Variants in SSTR1 observed in about 807,000 individuals in gnomAD.
The protein encoded by SSTR1 is somatostatin receptor type 1.
SSTR1 carries 10 observed loss-of-function variants against 20.7 expected under a neutral mutation model. The ratio of observed to expected loss-of-function variants is 0.48; its 90% confidence interval spans 0.30 to 0.82. The LOEUF is 0.82. SSTR1 is among the 40% of genes least tolerant of loss of function. The pLI is 0.07. For missense variants in SSTR1, 494 were observed against 540.0 expected, an observed-to-expected ratio of 0.91 and a Z score of 0.84; for synonymous variants, 267 against 227.8, an observed-to-expected ratio of 1.17 and a Z score of -1.55.
At position 38,212,531 on chromosome 14, in the gene SSTR1, A is replaced by G. The variant is rs1313048143; in HGVS notation, c.*1966A>G. 1.2e-5 allele frequency: 2 copies of G among 167,084 alleles called. No individual in the cohort carries two copies. Among genetic ancestry groups the G allele is most frequent in the African/African-American group, 2.4e-5 (1 of 41,454 alleles). 10.4% of individuals were successfully genotyped at this position (167,084 alleles called of 1,614,324 possible). On this transcript the variant is annotated 3_prime_UTR_variant, in exon 3 of 3. Coordinates refer to ENST00000267377, the MANE Select transcript of SSTR1 (RefSeq NM_001049.3). ...GTGTCTGTGTTTAATATTACCAACT[A>G]CATTGGAAGCCTGAGCAGGGCGAGG...
Position 38,209,388 on chromosome 14 carries a change from G to C in SSTR1, c.-2G>C, listed in dbSNP as rs774569401. 2.7e-6 allele frequency: 4 copies of C among 1,498,470 alleles called. No individual in the cohort carries two copies. The Admixed American group carries it at 7.1e-5, about 27-fold the overall frequency. 92.8% of individuals were successfully genotyped at this position (1,498,470 alleles called of 1,614,324 possible). ...CAGCCCCACTGGCCCCCCTCAGCTG[G>C]GATGTTCCCCAATGGCACCGCCTCC... On this transcript the variant is annotated 5_prime_UTR_variant, in exon 3 of 3. Transcript: ENST00000267377.
chr14:38,208,359 C>G (rs1313990272), intron 1 of SSTR1, 84 bp from the exon 2 acceptor site: 1 of 152,204 alleles, frequency 6.6e-6, no homozygotes, highest in East Asian at 1.9e-4. Context: ...CTGAACACTC[C>G]CAATAGCCTA....
At position 38,209,890 on chromosome 14, in the gene SSTR1, C is replaced by T. The variant is rs368667125; in HGVS notation, c.501C>T (p.Arg167=). The T allele has an allele frequency of 3.1e-6, 5 of 1,613,728 alleles. No homozygotes were observed. In the African/African-American group the frequency reaches 5.3e-5, roughly 17 times the overall value. The part of the protein sequence containing the change: ...VAVVHPIKAA[R]YRRPTVAKVV... The stretch of plus-strand genomic sequence containing the variant: ...TGGTGCATCCCATCAAGGCGGCCCG[C>T]TACCGCCGGCCCACCGTGGCCAAGG... Residue 167 remains arginine (R), a synonymous_variant, in exon 3 of 3, where the codon CGC becomes CGT. Transcript: ENST00000267377.
Position 38,210,365 on chromosome 14 carries a change from C to T in SSTR1, c.976C>T (p.Leu326Phe), listed in dbSNP as rs199603499. 3.7e-6 allele frequency: 6 copies of T among 1,614,272 alleles called. No homozygotes were observed. In the South Asian group the frequency reaches 4.4e-5, roughly 12 times the overall value. Residue 326 changes from leucine (L) to phenylalanine (F), a missense_variant, in exon 3 of 3, where the codon CTC (leucine) becomes TTC (phenylalanine). Transcript: ENST00000267377. ...SCANPILYGF[L>F]SDNFKRSFQR... Reference sequence around the variant, plus strand: ...CGCCAACCCCATCCTCTATGGCTTTCTCTCAGACAACTTCAAGCGCTCTTT... The same window carrying T: ...CGCCAACCCCATCCTCTATGGCTTTTTCTCAGACAACTTCAAGCGCTCTTT...
In SSTR1 at chr14:38,210,394, AC is replaced by A. The variant is rs1466636079; in HGVS notation, c.1006del (p.Arg336AlafsTer106). On this transcript the variant is annotated frameshift_variant, in exon 3 of 3. Transcript: ENST00000267377. LOFTEE classifies it high-confidence loss of function. ...LSDNFKRSFQ[R>X]ILCLSWMDNA... Reference sequence around the variant, plus strand: ...CAGACAACTTCAAGCGCTCTTTCCAACGCATCCTATGCCTCAGCTGGATGGA... The same window carrying A: ...CAGACAACTTCAAGCGCTCTTTCCAAGCATCCTATGCCTCAGCTGGATGGA... 1 of 1,614,092 alleles carries A rather than the reference AC, an allele frequency of 6.2e-7. No individual in the cohort carries two copies. Among genetic ancestry groups the A allele is most frequent in the Non-Finnish European group, 8.5e-7 (1 of 1,179,992 alleles).
chr14:38,208,986 G>T (rs757619750), intron 2 of SSTR1, 60 bp from the exon 3 acceptor site: 3 of 173,952 alleles, frequency 1.7e-5, no homozygotes, highest in South Asian at 2.0e-4. Context: ...TGGGGGGCGG[G>T]GGGGACAAGC....
In SSTR1 at chr14:38,211,832, T is replaced by C. The variant is rs1594460138; in HGVS notation, c.*1267T>C. The C allele has an allele frequency of 1.2e-5, 2 of 167,090 alleles. No individual in the cohort carries two copies. Among genetic ancestry groups the C allele is most frequent in the African/African-American group, 2.4e-5 (1 of 41,468 alleles). The allele number at this position is 167,090 out of a possible 1,614,324, so 10.4% of individuals were successfully genotyped here. On this transcript the variant is annotated 3_prime_UTR_variant, in exon 3 of 3. Coordinates refer to ENST00000267377, the MANE Select transcript of SSTR1 (RefSeq NM_001049.3). ...TATATATTTATTAATTTATTTGTCG[T>C]GTTGGAAAATGTGTCTCTGCTTTCC...
At position 38,210,268 on chromosome 14, in the gene SSTR1, C is replaced by T. The variant is rs2228497; in HGVS notation, c.879C>T (p.Val293=). 0.29 allele frequency: 463,195 copies of T among 1,614,068 alleles called. 70,252 individuals carry two copies. Among genetic ancestry groups the T allele is most frequent in the South Asian group, 0.36 (33,164 of 91,076 alleles). The part of the protein sequence containing the change: ...CWMPFYVVQL[V]NVFAEQDDAT... ...TGCCTTTCTACGTGGTGCAGCTGGT[C>T]AACGTGTTTGCTGAGCAGGACGACG... The change falls in exon 3 of 3, where the codon GTC becomes GTT. Residue 293 remains valine (V), a synonymous_variant. Coordinates refer to ENST00000267377, the MANE Select transcript of SSTR1 (RefSeq NM_001049.3).
At position 38,208,617 on chromosome 14, in the gene SSTR1, G is replaced by A. The variant is rs999662901; in HGVS notation, c.-345+8G>A. The A allele has an allele frequency of 6.6e-6, 1 of 152,488 alleles. No individual in the cohort carries two copies. The highest frequency in any genetic ancestry group is 2.4e-5 in the African/African-American group (1 of 41,478). The allele number at this position is 152,488 out of a possible 1,614,324, so 9.4% of individuals were successfully genotyped here. On this transcript the variant is annotated splice_region_variant and intron_variant, in intron 2 of 2. Transcript: ENST00000267377. ...GGAGGTTGCGCACTTTGGGTAAGGAGGGCCCGGAACTTCCCTGGCGGGTCT... is the reference window on the plus strand; with the variant it reads ...GGAGGTTGCGCACTTTGGGTAAGGAAGGCCCGGAACTTCCCTGGCGGGTCT...
Position 38,210,095 on chromosome 14 carries a change from G to T in SSTR1, c.706G>T (p.Val236Leu). 6.2e-7 allele frequency: 1 copy of T among 1,614,228 alleles called. No homozygotes were observed. The highest frequency in any genetic ancestry group is 8.5e-7 in the Non-Finnish European group (1 of 1,180,050). The change falls in exon 3 of 3, where the codon GTG (valine) becomes TTG (leucine). Residue 236 changes from valine to leucine, a missense_variant. Val to Leu is a conservative substitution (Grantham distance 32). Transcript: ENST00000267377. ...ATTTCTCATGGGCTTCCTGCTGCCC[G>T]TGGGGGCTATCTGCCTGTGCTACGT... ...YTFLMGFLLP[V>L]GAICLCYVLI...
Position 38,210,726 on chromosome 14 carries a change from G to C in SSTR1, c.*161G>C. ...GCTAGGACACTGACAGCCTTTGATG[G>C]AGGAACCCAAGAAAGGCGCGCGACA... On this transcript the variant is annotated 3_prime_UTR_variant, in exon 3 of 3. Coordinates refer to ENST00000267377, the MANE Select transcript of SSTR1 (RefSeq NM_001049.3). 7.0e-7 allele frequency: 1 copy of C among 1,430,234 alleles called. No homozygotes were observed. The highest frequency in any genetic ancestry group is 9.2e-7 in the Non-Finnish European group (1 of 1,088,408). The allele number at this position is 1,430,234 out of a possible 1,614,324, so 88.6% of individuals were successfully genotyped here.
chr14:38,211,907 G>A lies in SSTR1; in HGVS notation c.*1342G>A, dbSNP rs945803067. On this transcript the variant is annotated 3_prime_UTR_variant, in exon 3 of 3. Coordinates refer to ENST00000267377, the MANE Select transcript of SSTR1 (RefSeq NM_001049.3). ...GTCTTTTCTTTGGGACCCTGGGGGCGGGCATGGAAGTGGAAGTAGGGGCAA... is the reference window on the plus strand; with the variant it reads ...GTCTTTTCTTTGGGACCCTGGGGGCAGGCATGGAAGTGGAAGTAGGGGCAA... The A allele has an allele frequency of 6.0e-6, 1 of 167,012 alleles. No individual in the cohort carries two copies. Among genetic ancestry groups the A allele is most frequent in the East Asian group, 1.9e-4 (1 of 5,176 alleles). The allele number at this position is 167,012 out of a possible 1,614,324, so 10.3% of individuals were successfully genotyped here.
In SSTR1 at chr14:38,209,330, G is replaced by T; in HGVS notation, c.-60G>T. 21 of 1,421,130 alleles carry T rather than the reference G, an allele frequency of 1.5e-5. No individual in the cohort carries two copies. Among genetic ancestry groups the T allele is most frequent in the Non-Finnish European group, 1.9e-5 (21 of 1,089,228 alleles). The allele number at this position is 1,421,130 out of a possible 1,614,324, so 88.0% of individuals were successfully genotyped here. A position where few individuals can be genotyped will look rare whatever the true frequency, so the allele number is the denominator to read the frequency against. ...TCGGGTGGGGAGGGAGGGCGCAGGC[G>T]GCGGGTGCGCGAGGAGAAAGCCCCA... On this transcript the variant is annotated 5_prime_UTR_variant, in exon 3 of 3. Transcript: ENST00000267377.
In SSTR1 at chr14:38,209,464, C is replaced by G. The variant is rs1331569755; in HGVS notation, c.75C>G (p.Gly25=). 1 of 1,556,786 alleles carries G rather than the reference C, an allele frequency of 6.4e-7. No individual in the cohort carries two copies. The highest frequency in any genetic ancestry group is 8.7e-7 in the Non-Finnish European group (1 of 1,152,478). Residue 25 remains glycine, a synonymous_variant, in exon 3 of 3, where the codon GGC becomes GGG. Transcript: ENST00000267377. ...SPSPGSCGEG[G]GSRGPGAGAA... ...GCCCGGGCAGCTGCGGCGAAGGCGG[C>G]GGCAGCAGGGGCCCCGGGGCCGGCG...
chr14:38,209,092 C>T lies in SSTR1; in HGVS notation c.-298C>T, dbSNP rs1883269799. 1 of 351,128 alleles carries T rather than the reference C, an allele frequency of 2.8e-6. No homozygotes were observed. The highest frequency in any genetic ancestry group is 5.1e-6 in the Non-Finnish European group (1 of 197,056). 21.8% of individuals were successfully genotyped at this position (351,128 alleles called of 1,614,324 possible). On this transcript the variant is annotated 5_prime_UTR_variant, in exon 3 of 3. Transcript: ENST00000267377. Reference sequence around the variant, plus strand: ...CTATTAATCATTTACCAGTCCAGAGCCGCGCCAGTTAATGGCTGTGCCGTG... The same window carrying T: ...CTATTAATCATTTACCAGTCCAGAGTCGCGCCAGTTAATGGCTGTGCCGTG...
rs1046482990 is a variant in SSTR1 at position 38,210,691 on chromosome 14, A to T, written c.*126A>T. The T allele has an allele frequency of 2.1e-6, 3 of 1,450,188 alleles. No homozygotes were observed. Among genetic ancestry groups the T allele is most frequent in the East Asian group, 2.5e-5 (1 of 40,018 alleles). The allele number at this position is 1,450,188 out of a possible 1,614,324, so 89.8% of individuals were successfully genotyped here. A position where few individuals can be genotyped will look rare whatever the true frequency, so the allele number is the denominator to read the frequency against. On this transcript the variant is annotated 3_prime_UTR_variant, in exon 3 of 3. Coordinates refer to ENST00000267377, the MANE Select transcript of SSTR1 (RefSeq NM_001049.3). ...TCCAGGGCGCCAGGGTGCTGTCGGG[A>T]TAACGTGGGGCTAGGACACTGACAG... is the stretch of plus-strand genomic sequence containing the variant.
chr14:38,210,482 G>A lies in SSTR1; in HGVS notation c.1093G>A (p.Val365Met). The change falls in exon 3 of 3, where the codon GTG becomes ATG. Residue 365 changes from valine to methionine, a missense_variant. Around this residue, in one of 3 missense-constraint regions of SSTR1, gnomAD observed 280 missense variants for 286.1 expected, o/e 0.98. Coordinates refer to ENST00000267377, the MANE Select transcript of SSTR1 (RefSeq NM_001049.3). ...ATALKSRAYS[V>M]EDFQPENLES... ...CGCGCTCAAGAGCCGTGCCTACAGTGTGGAAGACTTCCAACCTGAGAACCT... is the reference window on the plus strand; with the variant it reads ...CGCGCTCAAGAGCCGTGCCTACAGTATGGAAGACTTCCAACCTGAGAACCT... 3 of 1,613,674 alleles carry A rather than the reference G, an allele frequency of 1.9e-6. No homozygotes were observed. The highest frequency in any genetic ancestry group is 2.5e-6 in the Non-Finnish European group (3 of 1,179,966).
At position 38,212,552 on chromosome 14, in the gene SSTR1, C is replaced by T. The variant is rs1488582174; in HGVS notation, c.*1987C>T. ...AACTACATTGGAAGCCTGAGCAGGG[C>T]GAGGACCAATAATTTTAATTATTTA... On this transcript the variant is annotated 3_prime_UTR_variant, in exon 3 of 3. Transcript: ENST00000267377. The T allele has an allele frequency of 3.0e-5, 5 of 166,912 alleles. No individual in the cohort carries two copies. The highest frequency in any genetic ancestry group is 1.9e-4 in the East Asian group (1 of 5,204). 10.3% of individuals were successfully genotyped at this position (166,912 alleles called of 1,614,324 possible).
intron 2 of SSTR1, among the ~76,000 whole-genome samples, chr14:38,208,841 G>T (rs2139295682): frequency 6.6e-6 from 1 of 152,238 alleles, no homozygotes; most frequent in Non-Finnish European, 1.5e-5. Context: ...CTATACCTTT[G>T]GTTCCCACCC....
Sources: allele counts gnomAD v4.1 joint callset (sites outside exome capture counted in the v4.1 genomes callset), GRCh38; gene constraint gnomAD v4.1.1; regional missense constraint gnomAD v4.1.1; transcripts MANE v1.5; gene names NCBI Gene and HGNC (gene_info 2026-07-23, HGNC 2026-07-21).